Variants in FLRT1 observed in about 807,000 individuals in gnomAD.
The protein encoded by FLRT1 is fibronectin leucine rich transmembrane protein 1.
Under a neutral mutation model 30.9 loss-of-function variants are expected in FLRT1, and 14 were observed. The ratio of observed to expected loss-of-function variants is 0.45; its 90% CI spans 0.30 to 0.71. The LOEUF (loss-of-function observed/expected upper bound fraction) is 0.71. Ranked by LOEUF, FLRT1 falls within the 30% of genes least tolerant of loss-of-function variation. The pLI is 0.08. For synonymous variants in FLRT1, 368 were observed against 430.4 expected (o/e 0.85, Z 1.80); for missense variants, 737 against 949.2 (o/e 0.78, Z 2.94).
rs73498162 is a variant in FLRT1 at position 64,082,456 on chromosome 11, G to C, written c.-1037-20738G>C. 3.0e-3 allele frequency among the ~76,000 whole-genome samples: 452 copies of C among 152,180 alleles called. 3 individuals carry two copies. The highest frequency in any genetic ancestry group is 1.0e-2 in the African/African-American group (414 of 41,514). On this transcript the variant is annotated intron_variant, in intron 1 of 2. Coordinates refer to ENST00000682287, the MANE Select transcript of FLRT1 (RefSeq NM_013280.5). The surrounding 1 kb of genome is among the most constrained non-coding windows in gnomAD (Gnocchi z 4.5). Reference sequence around the variant, plus strand: ...GGCAGGTGAGGGGCTTGAGGGCAGGGCTGAGGGACTGAGGGCCAGGCTGGG... The same window carrying C: ...GGCAGGTGAGGGGCTTGAGGGCAGGCCTGAGGGACTGAGGGCCAGGCTGGG...
intron 1 of FLRT1, among the ~76,000 whole-genome samples, chr11:64,079,289 G>A (rs1590877599): frequency 6.6e-6 from 1 of 152,130 alleles, no homozygotes; most frequent in Non-Finnish European, 1.5e-5. Context: ...TGTGCAGCTG[G>A]CGCTGCAGAT....
intron 1 of FLRT1, among the ~76,000 whole-genome samples, chr11:64,044,034 C>T (rs191552034): frequency 3.3e-5 from 5 of 152,058 alleles, no homozygotes; most frequent in Non-Finnish European, 7.4e-5. Flanking sequence ...AGGATGGTCT[C>T]GAACTCCTGA....
rs1296006452 is a variant in FLRT1, at chr11:64,082,741, CAG to C, written c.-1037-20450_-1037-20449del. ...TGTGGAGCATCCTCCTGAGAGGACTCAGAGGGGATTCCTGGGCCTTGGCATTT... is the reference window on the plus strand; with the variant it reads ...TGTGGAGCATCCTCCTGAGAGGACTCAGGGGATTCCTGGGCCTTGGCATTT... On this transcript the variant is annotated intron_variant, in intron 1 of 2. Transcript: ENST00000682287. The surrounding 1 kb of genome is among the most constrained non-coding windows in gnomAD (Gnocchi z 4.5). Among the ~76,000 whole-genome samples, 1 of 152,146 alleles carries C rather than the reference CAG, an allele frequency of 6.6e-6. No homozygotes were observed.
intron 1 of FLRT1, among the ~76,000 whole-genome samples, chr11:64,098,478 C>T (rs1051599474): frequency 3.9e-5 from 6 of 152,258 alleles, no homozygotes; most frequent in African/African-American, 1.2e-4. Context: ...TCCCTGCCCC[C>T]AGCCTTCTGT....
At chr11:64,059,347 T>C (rs1943852724) in intron 1 of FLRT1, among the ~76,000 whole-genome samples, 1 of 152,124 alleles carries the variant, frequency 6.6e-6, no homozygotes, top group South Asian at 2.1e-4. Context: ...TGGGAGGCGT[T>C]GCGGGCTTAT....
chr11:64,065,412 C>T (rs924320713), intron 1 of FLRT1, among the ~76,000 whole-genome samples: 6 of 152,168 alleles, frequency 3.9e-5, no homozygotes, highest in Non-Finnish European at 8.8e-5. Flanking sequence ...TCACCCACTA[C>T]CTCCGCTCCA....
chr11:64,069,736 G>A (rs989628950), intron 1 of FLRT1, among the ~76,000 whole-genome samples: 9 of 152,196 alleles, frequency 5.9e-5, no homozygotes, highest in Non-Finnish European at 8.8e-5. Context: ...GCCCGGCCCC[G>A]GCAGCTGTGT....
chr11:64,071,524 C>T (rs1944107457), intron 1 of FLRT1, among the ~76,000 whole-genome samples: 1 of 152,128 alleles, frequency 6.6e-6, no homozygotes, highest in Non-Finnish European at 1.5e-5. Flanking sequence ...ACCCTGGGGC[C>T]CATCCCAGAC....
rs2134389478 is a variant in FLRT1 at position 64,041,962 on chromosome 11, C to T, written c.-1038+5803C>T. ...GCTCCTAGCCTGGGCTGGGCTGCCC[C>T]ACCCTGAGTGGGGACTTGGGTTCAG... On this transcript the variant is annotated intron_variant, in intron 1 of 2. Coordinates refer to ENST00000682287, the MANE Select transcript of FLRT1 (RefSeq NM_013280.5). 5.3e-5 allele frequency among the ~76,000 whole-genome samples: 8 copies of T among 152,322 alleles called. No individual in the cohort carries two copies. The Middle Eastern group carries it at 0.024, about 453-fold the overall frequency.
Position 64,117,418 on chromosome 11 carries a change from A to G in FLRT1, c.1151A>G (p.Gln384Arg), listed in dbSNP as rs754759917. The change falls in exon 3 of 3, where the codon CAG becomes CGG. Residue 384 changes from glutamine (Q) to arginine (R), a missense_variant. Coordinates refer to ENST00000682287, the MANE Select transcript of FLRT1 (RefSeq NM_013280.5). Reference sequence around the variant, plus strand: ...GACGAGTGTTTTGAGACGGGGCCGCAGGGCGGCGTGGCCAATGCGGCTGCC... The same window carrying G: ...GACGAGTGTTTTGAGACGGGGCCGCGGGGCGGCGTGGCCAATGCGGCTGCC... ...EMDECFETGP[Q>R]GGVANAAAKT... 4.3e-6 allele frequency: 7 copies of G among 1,612,284 alleles called. No individual in the cohort carries two copies.
intron 1 of FLRT1, among the ~76,000 whole-genome samples, chr11:64,089,447 G>A (rs1487376317): frequency 1.3e-5 from 2 of 152,202 alleles, no homozygotes; most frequent in Admixed American, 6.5e-5. Context: ...GTCACCTCAC[G>A]GAGCAGGGGT....
intron 1 of FLRT1, among the ~76,000 whole-genome samples, chr11:64,057,672 G>A (rs553280486): frequency 2.2e-4 from 33 of 152,218 alleles, no homozygotes; most frequent in Non-Finnish European, 4.0e-4. Flanking sequence ...AGGGTCCCCA[G>A]GGTGTCTGCT....
At chr11:64,053,683 G>A (rs1176264018) in intron 1 of FLRT1, among the ~76,000 whole-genome samples, 2 of 152,180 alleles carry the variant, frequency 1.3e-5, no homozygotes, top group Non-Finnish European at 2.9e-5. Context: ...CTGCCTGGGG[G>A]AAGGGGCTTA....
chr11:64,085,502 G>T (rs566407733), intron 1 of FLRT1, among the ~76,000 whole-genome samples: 1 of 152,230 alleles, frequency 6.6e-6, no homozygotes, highest in South Asian at 2.1e-4. Context: ...AGCTGGCTGG[G>T]ATTGTCCACC....
At chr11:64,040,796 G>T (rs1159379834) in intron 1 of FLRT1, among the ~76,000 whole-genome samples, 4 of 152,130 alleles carry the variant, frequency 2.6e-5, no homozygotes, top group Non-Finnish European at 4.4e-5. Context: ...AGGGAGAAGG[G>T]AGTGAAGGGG....
chr11:64,113,371 TG>T (rs1359395865), intron 2 of FLRT1, among the ~76,000 whole-genome samples: 2 of 152,128 alleles, frequency 1.3e-5, no homozygotes, highest in Non-Finnish European at 2.9e-5. Context: ...GATGGATGGA[TG>T]GATGGATGGA....
rs1364847155 is a variant in FLRT1, at chr11:64,096,874, C to G, written c.-1037-6320C>G. On this transcript the variant is annotated intron_variant, in intron 1 of 2. Coordinates refer to ENST00000682287, the MANE Select transcript of FLRT1 (RefSeq NM_013280.5). This position sits in a 1 kb window ranked among gnomAD's most constrained non-coding sequence, Gnocchi z 4.6. ...GTGTCCCTTCGAGGGCCTCCCCCGG[C>G]AGAGCTGAGAGCCGATGCCTGTCCC... Among the ~76,000 whole-genome samples the G allele has an allele frequency of 6.6e-6, 1 of 152,228 alleles. No individual in the cohort carries two copies. The highest frequency in any genetic ancestry group is 1.5e-5 in the Non-Finnish European group (1 of 68,038).
rs1228612698 is a variant in FLRT1, at chr11:64,096,572, C to T, written c.-1037-6622C>T. 2.0e-5 allele frequency among the ~76,000 whole-genome samples: 3 copies of T among 152,122 alleles called. No homozygotes were observed. Among genetic ancestry groups the T allele is most frequent in the Non-Finnish European group, 4.4e-5 (3 of 68,002 alleles). On this transcript the variant is annotated intron_variant, in intron 1 of 2. Transcript: ENST00000682287. The surrounding 1 kb of genome is among the most constrained non-coding windows in gnomAD (Gnocchi z 4.6). ...CTGGGATTACAGGCGCCTGCCATCA[C>T]GCCCAGCTAATTTTTTTATTTTTAG... is the stretch of plus-strand genomic sequence containing the variant.
At chr11:64,100,762 A>T (rs1476560605) in intron 1 of FLRT1, among the ~76,000 whole-genome samples, 1 of 152,150 alleles carries the variant, frequency 6.6e-6, no homozygotes, top group Non-Finnish European at 1.5e-5. Context: ...CACACCCCAG[A>T]AGCCTGAGAG....
Sources: gnomAD v4.1 joint callset for allele counts (sites outside exome capture counted in the v4.1 genomes callset) on GRCh38, gnomAD v4.1.1 for gene constraint, Gnocchi (gnomAD v3.1) non-coding constraint, MANE v1.5 for transcripts, NCBI Gene and HGNC (gene_info 2026-07-23, HGNC 2026-07-21) for gene names.